Variants in ARSB observed in about 807,000 individuals in gnomAD.
ARSB encodes the protein arylsulfatase B.
ARSB carries 41 observed loss-of-function variants against 50.9 expected under a neutral mutation model. That is an observed-to-expected ratio of 0.81 (90% confidence interval 0.63 to 1.04). ARSB has a LOEUF of 1.04. Among genes scored for constraint, ARSB ranks in the 50% least tolerant of loss-of-function variants. ARSB has a pLI of 0.00. For missense variants in ARSB, 672 were observed against 693.3 expected (o/e 0.97, Z 0.35); for synonymous variants, 269 against 284.8 (o/e 0.94, Z 0.56).
intron 4 of ARSB, among the ~76,000 whole-genome samples, chr5:78,890,251 C>T (rs1310947680): frequency 3.0e-5 from 4 of 134,918 alleles, no homozygotes; most frequent in African/African-American, 8.2e-5. Context: ...CAAATCTTAT[C>T]TTTTTTTTTT....
rs573878994 is a variant in ARSB at position 78,896,797 on chromosome 5, T to C, written c.899-10970A>G. Among the ~76,000 whole-genome samples the C allele has an allele frequency of 7.9e-5, 12 of 152,332 alleles. No homozygotes were observed. In the South Asian group the frequency reaches 1.7e-3, roughly 21 times the overall value. On this transcript the variant is annotated intron_variant, in intron 4 of 7. Coordinates refer to ENST00000264914, the MANE Select transcript of ARSB (RefSeq NM_000046.5). ...TTTTCAAATCTAACATCCCCACCCT[T>C]TTCATAACAAATATTTTGTGATGCT...
intron 2 of ARSB, among the ~76,000 whole-genome samples, chr5:78,966,755 T>C (rs976089483): frequency 6.6e-6 from 1 of 152,180 alleles, no homozygotes; most frequent in Non-Finnish European, 1.5e-5. Flanking sequence ...CAGCCCATCC[T>C]CTTCCCAGAG....
chr5:78,862,370 C>T (rs1202918950), intron 5 of ARSB, among the ~76,000 whole-genome samples: 2 of 152,172 alleles, frequency 1.3e-5, no homozygotes, highest in African/African-American at 4.8e-5. Flanking sequence ...AACTATACTA[C>T]AAGGCTACAG....
chr5:78,970,053 A>G (rs485142), intron 1 of ARSB, among the ~76,000 whole-genome samples: 76,749 of 152,036 alleles, frequency 0.5, 20,105 homozygotes, highest in African/African-American at 0.67. Context: ...AGTGGCTCAC[A>G]CAAGTATGCC....
intron 1 of ARSB, among the ~76,000 whole-genome samples, chr5:78,978,172 C>T (rs1561538399): frequency 6.6e-6 from 1 of 152,108 alleles, no homozygotes; most frequent in African/African-American, 2.4e-5. Context: ...AACCCCATCT[C>T]TATTAAAAAT....
chr5:78,834,612 T>A (rs967080813), intron 6 of ARSB, among the ~76,000 whole-genome samples: 4 of 96,430 alleles, frequency 4.1e-5, no homozygotes, highest in African/African-American at 1.9e-4. Flanking sequence ...TATGTGTATA[T>A]ATATATATAT....
intron 4 of ARSB, among the ~76,000 whole-genome samples, chr5:78,951,285 C>G (rs114278548): frequency 0.011 from 1,612 of 152,160 alleles, 20 homozygotes; most frequent in African/African-American, 0.037. Context: ...AAACCATTTA[C>G]TATCTCACAG....
At chr5:78,982,524 G>A (rs1012787253) in intron 1 of ARSB, among the ~76,000 whole-genome samples, 1 of 152,086 alleles carries the variant, frequency 6.6e-6, no homozygotes, top group Admixed American at 6.5e-5. Flanking sequence ...GTGGTTATAG[G>A]CATCAACCCT....
chr5:78,859,074 C>G (rs996209945), intron 5 of ARSB, among the ~76,000 whole-genome samples: 4 of 152,180 alleles, frequency 2.6e-5, no homozygotes, highest in African/African-American at 9.7e-5. Flanking sequence ...AAACTCCTTA[C>G]AGGACTTATT....
At chr5:78,783,293 CTT>C (rs1186356533) in intron 6 of ARSB, 2 of 152,016 alleles carry the variant, frequency 1.3e-5, no homozygotes, top group Non-Finnish European at 2.9e-5. Context: ...CGATAATAGA[CTT>C]TGAGAGAGCC....
At chr5:78,920,592 A>G (rs926133806) in intron 4 of ARSB, among the ~76,000 whole-genome samples, 3 of 152,154 alleles carry the variant, frequency 2.0e-5, no homozygotes, top group African/African-American at 7.2e-5. Flanking sequence ...AACCCTCAGA[A>G]GGCAATAAGG....
intron 4 of ARSB, among the ~76,000 whole-genome samples, chr5:78,911,318 C>T (rs1446334378): frequency 6.6e-6 from 1 of 151,952 alleles, no homozygotes; most frequent in African/African-American, 2.4e-5. Context: ...TATAGAATTA[C>T]TTGGGCACAC....
At chr5:78,942,904 T>C (rs1456565664) in intron 4 of ARSB, among the ~76,000 whole-genome samples, 1 of 152,204 alleles carries the variant, frequency 6.6e-6, no homozygotes, top group Non-Finnish European at 1.5e-5. Context: ...ATTATTATTG[T>C]GTGGGAGTCT....
In ARSB at chr5:78,777,951, A is replaced by C. The variant is rs1369095918; in HGVS notation, c.*2446T>G. On this transcript the variant is annotated 3_prime_UTR_variant, in exon 8 of 8. Transcript: ENST00000264914. ...TATATAGAATCAGAGAATCTAATGA[A>C]ATACATTCTATTATGGATAAACCAA... 1 of 152,206 alleles carries C rather than the reference A, an allele frequency of 6.6e-6. No individual in the cohort carries two copies. Among genetic ancestry groups the C allele is most frequent in the African/African-American group, 2.4e-5 (1 of 41,456 alleles). 9.4% of individuals were successfully genotyped at this position (152,206 alleles called of 1,614,324 possible).
At chr5:78,952,150 G>A (rs1751516249) in intron 4 of ARSB, among the ~76,000 whole-genome samples, 2 of 152,048 alleles carry the variant, frequency 1.3e-5, no homozygotes, top group African/African-American at 4.8e-5. Context: ...AGCTCCAAAT[G>A]TTACTACTAC....
intron 3 of ARSB, among the ~76,000 whole-genome samples, chr5:78,956,342 T>C (rs971611035): frequency 2.0e-5 from 3 of 152,116 alleles, no homozygotes; most frequent in African/African-American, 4.8e-5. Context: ...CAGAGGGTGG[T>C]TGCCTGGGGC....
At chr5:78,852,313 T>C (rs957866769) in intron 5 of ARSB, among the ~76,000 whole-genome samples, 2 of 152,196 alleles carry the variant, frequency 1.3e-5, no homozygotes, top group Non-Finnish European at 2.9e-5. Flanking sequence ...CCTTCACTTA[T>C]GAAGCTTAGT....
At chr5:78,781,301 CTCTG>C (rs1748917240) in intron 7 of ARSB, among the ~76,000 whole-genome samples, 1 of 142,830 alleles carries the variant, frequency 7.0e-6, no homozygotes, top group South Asian at 2.2e-4. Context: ...AGTTAATTCT[CTCTG>C]TCTTTCTCTC....
At chr5:78,832,646 G>T (rs1038317729) in intron 6 of ARSB, among the ~76,000 whole-genome samples, 1 of 152,118 alleles carries the variant, frequency 6.6e-6, no homozygotes, top group African/African-American at 2.4e-5. Context: ...CACAGAAAAT[G>T]TGTGTGTGAG....
Sources: allele counts gnomAD v4.1 joint callset (sites outside exome capture counted in the v4.1 genomes callset), GRCh38; gene constraint gnomAD v4.1.1; transcripts MANE v1.5; gene names NCBI Gene and HGNC (gene_info 2026-07-23, HGNC 2026-07-21).